Variants in PARD3 observed in about 807,000 individuals in gnomAD.
PARD3 encodes the protein par-3 family cell polarity regulator.
In PARD3, 75 loss-of-function variants were observed where a neutral mutation model predicts 155.4. The ratio of observed to expected loss-of-function variants is 0.48; its 90% CI spans 0.40 to 0.58. The LOEUF (loss-of-function observed/expected upper bound fraction) is 0.58, where lower values mean the gene tolerates loss of function less well. Among genes scored for constraint, PARD3 ranks in the 20% least tolerant of loss-of-function variants. The pLI, the probability that PARD3 is intolerant of heterozygous loss-of-function variation, is 0.00. For synonymous variants in PARD3, 576 were observed against 610.5 expected, an observed-to-expected ratio of 0.94 and a Z score of 0.83; for missense variants, 1,642 against 1,721.7, an observed-to-expected ratio of 0.95 and a Z score of 0.82.
intron 22 of PARD3, among the ~76,000 whole-genome samples, chr10:34,218,774 G>A (rs1299685161): frequency 6.6e-6 from 1 of 151,264 alleles, no homozygotes. Context: ...GGAAATGGGG[G>A]ATGGGACATG....
intron 1 of PARD3, among the ~76,000 whole-genome samples, chr10:34,740,742 C>T (rs1298132668): frequency 6.6e-6 from 1 of 152,062 alleles, no homozygotes; most frequent in Non-Finnish European, 1.5e-5. Context: ...ACAGAATCTT[C>T]ATTCTGAACA....
At chr10:34,397,321 T>C (rs904405791) in intron 7 of PARD3, among the ~76,000 whole-genome samples, 10 of 152,200 alleles carry the variant, frequency 6.6e-5, no homozygotes. Flanking sequence ...AACACAGGTA[T>C]TGGGGAATCA....
intron 12 of PARD3, among the ~76,000 whole-genome samples, chr10:34,368,789 G>A (rs564595741): frequency 1.4e-5 from 2 of 142,450 alleles, no homozygotes; most frequent in African/African-American, 5.3e-5. Flanking sequence ...GAAATCAATG[G>A]TACTAAACGC....
chr10:34,547,100 T>G (rs1408077642), intron 2 of PARD3, among the ~76,000 whole-genome samples: 1 of 152,242 alleles, frequency 6.6e-6, no homozygotes, highest in Non-Finnish European at 1.5e-5. Context: ...TAAACATTCA[T>G]GCAAATTTAT....
intron 14 of PARD3, among the ~76,000 whole-genome samples, chr10:34,354,336 C>A (rs911396889): frequency 6.6e-6 from 1 of 151,720 alleles, no homozygotes; most frequent in Non-Finnish European, 1.5e-5. Context: ...TGAGATCACG[C>A]CACTGCACTC....
At chr10:34,724,780 A>G (rs2094670882) in intron 1 of PARD3, among the ~76,000 whole-genome samples, 1 of 152,240 alleles carries the variant, frequency 6.6e-6, no homozygotes, top group African/African-American at 2.4e-5. Flanking sequence ...TACCACGGGC[A>G]GCAGCAGTCT....
At chr10:34,349,189 T>C (rs1301744933) in intron 14 of PARD3, among the ~76,000 whole-genome samples, 2 of 152,182 alleles carry the variant, frequency 1.3e-5, no homozygotes, top group Non-Finnish European at 2.9e-5. Flanking sequence ...ACTGTCGCAC[T>C]TCCTTCAGCT....
chr10:34,301,967 A>G (rs1957175266), intron 20 of PARD3, among the ~76,000 whole-genome samples: 1 of 150,816 alleles, frequency 6.6e-6, no homozygotes, highest in African/African-American at 2.4e-5. Flanking sequence ...TCCTGACATC[A>G]CTCTGGTCTA....
intron 21 of PARD3, among the ~76,000 whole-genome samples, chr10:34,277,994 C>T (rs185743590): frequency 6.6e-6 from 1 of 152,254 alleles, no homozygotes; most frequent in East Asian, 1.9e-4. Flanking sequence ...CCCCACTGGT[C>T]GTTCCCCTTC....
chr10:34,381,164 A>G (rs1244054823), intron 9 of PARD3, among the ~76,000 whole-genome samples: 1 of 152,228 alleles, frequency 6.6e-6, no homozygotes, highest in Non-Finnish European at 1.5e-5. Context: ...GCAGTCTCAG[A>G]GTTTACAACC....
intron 2 of PARD3, among the ~76,000 whole-genome samples, chr10:34,556,693 C>T (rs574785547): frequency 6.6e-6 from 1 of 152,234 alleles, no homozygotes; most frequent in Non-Finnish European, 1.5e-5. Context: ...AATTCCTTTG[C>T]TTAAAGAATT....
At chr10:34,300,993 C>G (rs927371852) in intron 20 of PARD3, among the ~76,000 whole-genome samples, 5 of 152,026 alleles carry the variant, frequency 3.3e-5, no homozygotes, top group South Asian at 2.1e-4. Flanking sequence ...TAGCTACAAT[C>G]CTTTGTGAGA....
At chr10:34,781,623 T>C (rs1265288817) in intron 1 of PARD3, among the ~76,000 whole-genome samples, 1 of 152,254 alleles carries the variant, frequency 6.6e-6, no homozygotes, top group East Asian at 1.9e-4. Flanking sequence ...CAAGACTTTA[T>C]AATAACTTAT....
chr10:34,742,292 G>A (rs573213004), intron 1 of PARD3, among the ~76,000 whole-genome samples: 1 of 152,150 alleles, frequency 6.6e-6, no homozygotes, highest in African/African-American at 2.4e-5. Context: ...ATGTAAGGGG[G>A]GGACCAAAAT....
intron 22 of PARD3, among the ~76,000 whole-genome samples, chr10:34,140,957 G>C (rs763629895): frequency 6.6e-6 from 1 of 152,014 alleles, no homozygotes; most frequent in African/African-American, 2.4e-5. Context: ...CTTGTATACT[G>C]GTATGTAAGT....
intron 7 of PARD3, among the ~76,000 whole-genome samples, chr10:34,392,513 G>A (rs766461112): frequency 3.9e-5 from 6 of 152,150 alleles, no homozygotes; most frequent in African/African-American, 9.7e-5. Flanking sequence ...GTAGCAGAAA[G>A]CCAGACCCAC....
chr10:34,709,141 T>C (rs573369195), intron 1 of PARD3, among the ~76,000 whole-genome samples: 1 of 152,298 alleles, frequency 6.6e-6, no homozygotes, highest in East Asian at 1.9e-4. Context: ...AATATTTACA[T>C]GCACATGAGA....
chr10:34,460,567 C>T (rs554290470), intron 4 of PARD3, among the ~76,000 whole-genome samples: 49 of 152,272 alleles, frequency 3.2e-4, no homozygotes, highest in African/African-American at 1.1e-3. Flanking sequence ...GGCGCGGGGG[C>T]TCACACCTGT....
At chr10:34,531,183 G>A (rs117216987) in intron 2 of PARD3, among the ~76,000 whole-genome samples, 11 of 152,126 alleles carry the variant, frequency 7.2e-5, no homozygotes, top group Non-Finnish European at 1.5e-4. Flanking sequence ...CCTAGTGCTT[G>A]ATCCTTTTCC....
Sources: allele counts gnomAD v4.1 joint callset (sites outside exome capture counted in the v4.1 genomes callset), GRCh38; gene constraint gnomAD v4.1.1; transcripts MANE v1.5; gene names NCBI Gene and HGNC (gene_info 2026-07-23, HGNC 2026-07-21).